The following PTPRT variants were observed in gnomAD, a reference collection of about 807,000 sequenced individuals.
The protein encoded by PTPRT is protein tyrosine phosphatase receptor type T.
In PTPRT, 56 loss-of-function variants were observed where a neutral mutation model predicts 176.8. The observed-to-expected ratio is 0.32, with a 90% CI of 0.26 to 0.40. The LOEUF is 0.40. Among genes scored for constraint, PTPRT ranks in the 10% least tolerant of loss-of-function variants. PTPRT has a pLI of 1.00. For missense variants in PTPRT, 1,540 were observed against 1,908.2 expected (o/e 0.81, Z 3.60); for synonymous variants, 783 against 739.0 (o/e 1.06, Z -0.96).
At chr20:42,084,308 C>A (rs771448132) in intron 29 of PTPRT, among the ~76,000 whole-genome samples, 1 of 152,214 alleles carries the variant, frequency 6.6e-6, no homozygotes, top group African/African-American at 2.4e-5. Context: ...TGCCCCTGCA[C>A]AATAGTGTTC....
At chr20:42,885,753 C>T (rs1319656137) in intron 2 of PTPRT, 54 bp downstream of exon 2, 3 of 1,567,640 alleles carry the variant, frequency 1.9e-6, no homozygotes, top group Non-Finnish European at 2.6e-6. Context: ...CCCCATGATT[C>T]ACGGTAAAAA....
chr20:43,163,018 A>G (rs1168450415), intron 1 of PTPRT, among the ~76,000 whole-genome samples: 1 of 152,206 alleles, frequency 6.6e-6, no homozygotes, highest in African/African-American at 2.4e-5. Context: ...GTGAATCCAC[A>G]GTGACCAACC....
intron 9 of PTPRT, among the ~76,000 whole-genome samples, chr20:42,447,476 T>C (rs1353735251): frequency 6.6e-6 from 1 of 152,080 alleles, no homozygotes; most frequent in African/African-American, 2.4e-5. Context: ...TAATCTTATG[T>C]TGTGTAAGAA....
intron 1 of PTPRT, among the ~76,000 whole-genome samples, chr20:43,111,070 G>A (rs1392877376): frequency 6.6e-6 from 1 of 152,174 alleles, no homozygotes; most frequent in Non-Finnish European, 1.5e-5. Context: ...GAAGGGAAAG[G>A]AAACATGAGT....
rs537997947 is a variant in PTPRT, at chr20:42,439,692, A to G, written c.1560+8528T>C. Among the ~76,000 whole-genome samples, 4 of 152,242 alleles carry G rather than the reference A, an allele frequency of 2.6e-5. No individual in the cohort carries two copies. The East Asian group carries it at 7.7e-4, about 29-fold the overall frequency. Reference sequence around the variant, plus strand: ...AGACCGACTGGATTCAATTCATGCAATGCTTCTTCCCAACCCTGGATGTTT... The same window carrying G: ...AGACCGACTGGATTCAATTCATGCAGTGCTTCTTCCCAACCCTGGATGTTT... On this transcript the variant is annotated intron_variant, in intron 9 of 30. Coordinates refer to ENST00000373187, the MANE Select transcript of PTPRT (RefSeq NM_007050.6).
At chr20:42,631,581 A>G (rs1373052541) in intron 7 of PTPRT, among the ~76,000 whole-genome samples, 1 of 152,170 alleles carries the variant, frequency 6.6e-6, no homozygotes, top group African/African-American at 2.4e-5. Flanking sequence ...TAACATCTTC[A>G]GCTAACCTGC....
chr20:42,110,596 G>T, intron 22 of PTPRT, 109 bp from the exon 23 acceptor site: 1 of 1,211,018 alleles, frequency 8.3e-7, no homozygotes, highest in Non-Finnish European at 1.1e-6. Context: ...CAGGGACAGG[G>T]CCCTCACAGT....
chr20:42,993,995 T>C (rs1456896136), intron 1 of PTPRT, among the ~76,000 whole-genome samples: 1 of 152,150 alleles, frequency 6.6e-6, no homozygotes, highest in Non-Finnish European at 1.5e-5. Flanking sequence ...GTGACAGACT[T>C]GAGTCAGTGC....
chr20:42,419,871 G>A (rs2059101847), intron 9 of PTPRT, among the ~76,000 whole-genome samples: 1 of 152,194 alleles, frequency 6.6e-6, no homozygotes, highest in South Asian at 2.1e-4. Flanking sequence ...GAGAGACACT[G>A]AAGAGACGCA....
intron 23 of PTPRT, among the ~76,000 whole-genome samples, chr20:42,109,146 G>GGAA (rs1215657805): frequency 6.7e-6 from 1 of 149,032 alleles, no homozygotes; most frequent in African/African-American, 2.6e-5. Context: ...ACTATTGCTG[G>GGAA]GAAGATAAAT....
intron 7 of PTPRT, among the ~76,000 whole-genome samples, chr20:42,531,076 T>TA (rs1415516583): frequency 3.9e-5 from 6 of 152,252 alleles, no homozygotes; most frequent in Admixed American, 3.9e-4. Context: ...ACCTGCGGTT[T>TA]GGAAGCTATC....
intron 9 of PTPRT, among the ~76,000 whole-genome samples, chr20:42,436,729 G>T (rs1243046183): frequency 6.6e-6 from 1 of 152,184 alleles, no homozygotes. Flanking sequence ...GCACAAGGAT[G>T]CTCATTTCAT....
At chr20:42,211,331 A>C (rs1484433620) in intron 15 of PTPRT, among the ~76,000 whole-genome samples, 8 of 151,410 alleles carry the variant, frequency 5.3e-5, no homozygotes, top group African/African-American at 1.9e-4. Context: ...CTGCACAGCA[A>C]AAGAAACTAC....
intron 25 of PTPRT, 125 bp from the exon 26 acceptor site, chr20:42,102,422 C>G (rs1986032255): frequency 9.7e-7 from 1 of 1,028,614 alleles, no homozygotes; most frequent in African/African-American, 1.6e-5. Flanking sequence ...CCCCACTCTC[C>G]CTTTCCCGGG....
chr20:42,586,648 C>T (rs889502254), intron 7 of PTPRT, among the ~76,000 whole-genome samples: 2 of 152,150 alleles, frequency 1.3e-5, no homozygotes. Flanking sequence ...CTTGTACATC[C>T]GTTGGCATTG....
At chr20:42,141,535 G>C (rs1213428309) in intron 18 of PTPRT, among the ~76,000 whole-genome samples, 1 of 152,200 alleles carries the variant, frequency 6.6e-6, no homozygotes, top group Non-Finnish European at 1.5e-5. Context: ...TGGGAACACA[G>C]AGCTCATCTC....
intron 1 of PTPRT, among the ~76,000 whole-genome samples, chr20:43,041,356 A>G (rs1402693981): frequency 1.3e-5 from 2 of 152,268 alleles, no homozygotes; most frequent in African/African-American, 4.8e-5. Context: ...AAATGTTGTT[A>G]TAATTAGCTT....
chr20:42,902,484 G>C (rs148680407), intron 1 of PTPRT, among the ~76,000 whole-genome samples: 2 of 152,154 alleles, frequency 1.3e-5, no homozygotes, highest in Non-Finnish European at 2.9e-5. Flanking sequence ...GGATCAGAGG[G>C]AGGAGAAGAC....
the PTPRT span, among the ~76,000 whole-genome samples, chr20:42,060,722 T>G: frequency 6.6e-6 from 1 of 152,202 alleles, no homozygotes; most frequent in African/African-American, 2.4e-5. Flanking sequence ...TGTGGAACTT[T>G]CTTTTGTAAG....
Sources: allele counts gnomAD v4.1 joint callset (sites outside exome capture counted in the v4.1 genomes callset), GRCh38; gene constraint gnomAD v4.1.1; transcripts MANE v1.5; gene names NCBI Gene and HGNC (gene_info 2026-07-23, HGNC 2026-07-21).